PKM: variants seen among roughly 807,000 people sequenced by gnomAD.
The protein encoded by PKM is pyruvate kinase PKM.
Under a neutral mutation model 49.8 loss-of-function variants are expected in PKM, and 18 were observed. That is an observed-to-expected ratio of 0.36 (90% CI 0.25 to 0.54). The LOEUF (loss-of-function observed/expected upper bound fraction) is 0.54. Ranked by LOEUF, PKM falls within the 20% of genes least tolerant of loss-of-function variation. PKM has a pLI of 0.89. For synonymous variants in PKM, 239 were observed against 261.8 expected (o/e 0.91, Z 0.84); for missense variants, 508 against 713.8 (o/e 0.71, Z 3.28).
At chr15:72,203,550 C>T in intron 8 of PKM, 1 of 351,428 alleles carries the variant, frequency 2.8e-6, no homozygotes. Flanking sequence ...TGCCTCATGA[C>T]ATAGCTTACA....
chr15:72,230,990 C>T (rs1281027737), intron 1 of PKM, 126 bp downstream of exon 1: 1 of 1,281,060 alleles, frequency 7.8e-7, no homozygotes, highest in South Asian at 1.2e-5. Flanking sequence ...CACTGCATCC[C>T]AGACGCCCTG....
At chr15:72,221,643 C>T (rs2082528026) in intron 1 of PKM, among the ~76,000 whole-genome samples, 3 of 151,836 alleles carry the variant, frequency 2.0e-5, no homozygotes, top group African/African-American at 7.3e-5. Flanking sequence ...ATTATGTGTA[C>T]CTCTTTTGGA....
intron 1 of PKM, among the ~76,000 whole-genome samples, chr15:72,225,613 T>C (rs1011989566): frequency 1.3e-5 from 2 of 152,230 alleles, no homozygotes; most frequent in Non-Finnish European, 2.9e-5. Context: ...CCCTAAGTGG[T>C]ATACTGTATA....
chr15:72,218,767 T>A (rs1385638202), intron 2 of PKM, among the ~76,000 whole-genome samples, 177 bp downstream of exon 2: 1 of 152,188 alleles, frequency 6.6e-6, no homozygotes, highest in Non-Finnish European at 1.5e-5. Context: ...GTATTTGCCA[T>A]CCTATGCACA....
At chr15:72,210,005 C>T in intron 4 of PKM, 146 bp from the exon 5 acceptor site, 1 of 735,736 alleles carries the variant, frequency 1.4e-6, no homozygotes, top group South Asian at 1.4e-5. Flanking sequence ...TATTCTCTAA[C>T]TCTGTATACT....
At chr15:72,210,926 GAT>G (rs1454565103) in intron 3 of PKM, among the ~76,000 whole-genome samples, 1 of 152,192 alleles carries the variant, frequency 6.6e-6, no homozygotes, top group Non-Finnish European at 1.5e-5. Context: ...GTCACATTCT[GAT>G]ATATGTGGTA....
At chr15:72,223,312 T>A (rs931712658) in intron 1 of PKM, among the ~76,000 whole-genome samples, 1 of 152,218 alleles carries the variant, frequency 6.6e-6, no homozygotes, top group East Asian at 1.9e-4. Context: ...TGAGTCTGCA[T>A]CTGCCTAAGT....
At chr15:72,227,654 G>A (rs2140816144) in intron 1 of PKM, among the ~76,000 whole-genome samples, 1 of 147,250 alleles carries the variant, frequency 6.8e-6, no homozygotes, top group Admixed American at 6.9e-5. Flanking sequence ...GCTGAGGCAG[G>A]AGAATTGCTT....
intron 1 of PKM, among the ~76,000 whole-genome samples, chr15:72,220,764 G>C (rs1382824357): frequency 1.3e-5 from 2 of 152,166 alleles, no homozygotes; most frequent in African/African-American, 4.8e-5. Flanking sequence ...ATGCCTCTTT[G>C]TCAGAATCAA....
chr15:72,207,242 A>G lies in PKM; in HGVS notation c.872T>C (p.Met291Thr). 1 of 1,614,152 alleles carries G rather than the reference A, an allele frequency of 6.2e-7. No individual in the cohort carries two copies. The highest frequency in any genetic ancestry group is 8.5e-7 in the Non-Finnish European group (1 of 1,179,996). ...DEILEASDGI[M>T]VARGDLGIEI... ...AATGCCTAGATCACCACGAGCCACC[A>G]TGATCCCATCACTGGCCTCCAGGAT... The change falls in exon 7 of 11, where the codon ATG (methionine) becomes ACG (threonine). Residue 291 changes from methionine (M) to threonine (T), a missense_variant. Transcript: ENST00000335181.
rs571360046 is a variant in PKM at position 72,200,109 on chromosome 15, C to T, written c.1490-353G>A. On this transcript the variant is annotated intron_variant, in intron 10 of 10. Coordinates refer to ENST00000335181, the MANE Select transcript of PKM (RefSeq NM_002654.6). This position sits in a 1 kb window ranked among gnomAD's most constrained non-coding sequence, Gnocchi z 4.6. Reference sequence around the variant, plus strand: ...AATCTGTGTATGCCACCCCACAGCACAGGAGCTGTGGCCAATTTTATTTAA... The same window carrying T: ...AATCTGTGTATGCCACCCCACAGCATAGGAGCTGTGGCCAATTTTATTTAA... 6.6e-6 allele frequency among the ~76,000 whole-genome samples: 1 copy of T among 151,824 alleles called. No individual in the cohort carries two copies. Among genetic ancestry groups the T allele is most frequent in the Non-Finnish European group, 1.5e-5 (1 of 67,952 alleles).
At chr15:72,212,685 G>A (rs778920299) in intron 3 of PKM, among the ~76,000 whole-genome samples, 4 of 152,142 alleles carry the variant, frequency 2.6e-5, no homozygotes, top group Non-Finnish European at 5.9e-5. Flanking sequence ...CTGTGGCTTT[G>A]TTGGGATGTT....
At chr15:72,199,897 G>T (rs2081896449) in intron 10 of PKM, 141 bp from the exon 11 acceptor site, 1 of 703,192 alleles carries the variant, frequency 1.4e-6, no homozygotes, top group African/African-American at 1.8e-5. Context: ...CAAACTCACA[G>T]CCCAGGCAAA....
At chr15:72,203,437 TG>T (rs927744607) in intron 8 of PKM, 14 of 534,944 alleles carry the variant, frequency 2.6e-5, no homozygotes, top group Non-Finnish European at 4.1e-5. Flanking sequence ...ATTTTTTCAT[TG>T]GGGGTGGAGG....
intron 1 of PKM, among the ~76,000 whole-genome samples, chr15:72,230,269 C>G (rs1243367921): frequency 6.6e-6 from 1 of 152,148 alleles, no homozygotes; most frequent in African/African-American, 2.4e-5. Flanking sequence ...GGCAGGCCAA[C>G]GTTACGTAAG....
chr15:72,210,932 T>A (rs2082235623), intron 3 of PKM, among the ~76,000 whole-genome samples: 1 of 152,226 alleles, frequency 6.6e-6, no homozygotes, highest in Admixed American at 6.5e-5. Context: ...TTCTGATATA[T>A]GTGGTAATGC....
chr15:72,204,912 A>G (rs2140622033), intron 8 of PKM, among the ~76,000 whole-genome samples: 1 of 152,292 alleles, frequency 6.6e-6, no homozygotes, highest in Non-Finnish European at 1.5e-5. Context: ...CCAGAAAGGC[A>G]GCCACTTTAG....
Position 72,224,725 on chromosome 15 carries a change from C to T in PKM, c.-13-5615G>A, listed in dbSNP as rs188087720. ...TAAACATACAAAAATTAGCCAGGCG[C>T]GCACCTGTAATCCCAGCTACTTGGG... On this transcript the variant is annotated intron_variant, in intron 1 of 10. Transcript: ENST00000335181. Among the ~76,000 whole-genome samples, 7 of 151,880 alleles carry T rather than the reference C, an allele frequency of 4.6e-5. No homozygotes were observed. The South Asian group carries it at 6.2e-4, about 14-fold the overall frequency.
chr15:72,207,400 G>A (rs1567110016), intron 6 of PKM, 123 bp from the exon 7 acceptor site: 2 of 880,010 alleles, frequency 2.3e-6, no homozygotes, highest in Non-Finnish European at 3.8e-6. Context: ...AGACATCCAT[G>A]ATATCATCAT....
Sources: allele counts gnomAD v4.1 joint callset (sites outside exome capture counted in the v4.1 genomes callset), GRCh38; gene constraint gnomAD v4.1.1; non-coding constraint Gnocchi (gnomAD v3.1); transcripts MANE v1.5; gene names NCBI Gene and HGNC (gene_info 2026-07-23, HGNC 2026-07-21).